ZNF143: variants seen among roughly 807,000 people sequenced by gnomAD.
ZNF143 encodes SPH-binding factor.
A neutral mutation model predicts 74.1 loss-of-function variants in ZNF143; 49 were observed. The observed-to-expected ratio is 0.66, with a 90% CI of 0.53 to 0.84. The LOEUF (loss-of-function observed/expected upper bound fraction) is 0.84. Among genes scored for constraint, ZNF143 ranks in the 40% least tolerant of loss-of-function variants. ZNF143 has a pLI of 0.00. For missense variants in ZNF143, 637 were observed against 793.4 expected (o/e 0.80, Z 2.37); for synonymous variants, 304 against 282.8 (o/e 1.07, Z -0.75).
chr11:9,505,725 A>C (rs538108282), intron 11 of ZNF143, among the ~76,000 whole-genome samples: 1 of 151,826 alleles, frequency 6.6e-6, no homozygotes, highest in Admixed American at 6.6e-5. Flanking sequence ...CTACCAAAAA[A>C]TACAAAAATT....
intron 7 of ZNF143, among the ~76,000 whole-genome samples, chr11:9,482,572 A>G (rs1219189228): frequency 6.6e-6 from 1 of 151,598 alleles, no homozygotes; most frequent in Non-Finnish European, 1.5e-5. Flanking sequence ...ACCCGGCCAA[A>G]AAATCCCATT....
intron 1 of ZNF143, chr11:9,463,930 A>C (rs1590479727): frequency 6.6e-6 from 1 of 152,358 alleles, no homozygotes; most frequent in African/African-American, 2.4e-5. Context: ...ATACATTTTT[A>C]AATAAATGAA....
At chr11:9,514,997 G>T (rs1336432445) in intron 13 of ZNF143, among the ~76,000 whole-genome samples, 1 of 152,016 alleles carries the variant, frequency 6.6e-6, no homozygotes, top group Non-Finnish European at 1.5e-5. Flanking sequence ...GTGTGGTGGT[G>T]CATGCCTGTA....
At chr11:9,493,152 C>A (rs1038600895) in intron 7 of ZNF143, among the ~76,000 whole-genome samples, 2 of 151,078 alleles carry the variant, frequency 1.3e-5, no homozygotes, top group Non-Finnish European at 2.9e-5. Context: ...TCTCTGTAAC[C>A]TCCGCCTCCC....
chr11:9,475,639 C>G (rs1362865818), intron 5 of ZNF143, among the ~76,000 whole-genome samples: 2 of 152,126 alleles, frequency 1.3e-5, no homozygotes, highest in East Asian at 3.8e-4. Flanking sequence ...GCCTGTAATC[C>G]TAGCACTTTG....
intron 1 of ZNF143, among the ~76,000 whole-genome samples, chr11:9,467,786 G>T (rs994271972): frequency 6.7e-6 from 1 of 149,300 alleles, no homozygotes; most frequent in African/African-American, 2.5e-5. Context: ...GGAAGTTACA[G>T]TGAGCTGAGA....
intron 13 of ZNF143, among the ~76,000 whole-genome samples, chr11:9,513,991 C>G (rs1848640894): frequency 1.3e-5 from 2 of 152,072 alleles, no homozygotes; most frequent in South Asian, 2.1e-4. Flanking sequence ...ACTCTGTTGC[C>G]CAGGGCAAAG....
At chr11:9,517,973 TATATACACACACTATATTGA>T (rs1264213604) in intron 14 of ZNF143, among the ~76,000 whole-genome samples, 1 of 152,178 alleles carries the variant, frequency 6.6e-6, no homozygotes, top group African/African-American at 2.4e-5. Flanking sequence ...ATATTCACAC[TATATACACACACTATATTGA>T]ATATAAGTCT....
At chr11:9,486,981 T>C (rs1847581718) in intron 7 of ZNF143, among the ~76,000 whole-genome samples, 1 of 140,910 alleles carries the variant, frequency 7.1e-6, no homozygotes, top group Non-Finnish European at 1.5e-5. Flanking sequence ...TTTTTTTTTT[T>C]TTGAGACGGA....
intron 14 of ZNF143, among the ~76,000 whole-genome samples, chr11:9,523,061 G>A (rs539476042): frequency 1.3e-3 from 205 of 152,240 alleles, no homozygotes; most frequent in African/African-American, 4.3e-3. Flanking sequence ...GAGCCATCAT[G>A]CCTGGCTAAG....
chr11:9,519,091 T>A (rs1453625760), intron 14 of ZNF143, among the ~76,000 whole-genome samples: 1 of 152,214 alleles, frequency 6.6e-6, no homozygotes, highest in African/African-American at 2.4e-5. Flanking sequence ...TGCACCCATA[T>A]AACTAACATC....
At chr11:9,482,163 G>C (rs564183064) in intron 7 of ZNF143, among the ~76,000 whole-genome samples, 1 of 149,414 alleles carries the variant, frequency 6.7e-6, no homozygotes, top group Non-Finnish European at 1.5e-5. Flanking sequence ...GTAGAGGCAG[G>C]GTTTCACCAT....
At chr11:9,523,326 T>C (rs529217481) in intron 14 of ZNF143, among the ~76,000 whole-genome samples, 17 of 152,316 alleles carry the variant, frequency 1.1e-4, no homozygotes, top group African/African-American at 3.4e-4. Context: ...AAATTCCGTC[T>C]CTCTTTGGTG....
rs567942310 is a variant in ZNF143 at position 9,519,131 on chromosome 11, G to A, written c.1686+2769G>A. On this transcript the variant is annotated intron_variant, in intron 14 of 15. Transcript: ENST00000396602. Reference sequence around the variant, plus strand: ...ACAAAATGTAGAACATTTCTATCACGCTAGAAAGTTACCTTGTGATTCCTT... The same window carrying A: ...ACAAAATGTAGAACATTTCTATCACACTAGAAAGTTACCTTGTGATTCCTT... Among the ~76,000 whole-genome samples, 36 of 151,944 alleles carry A rather than the reference G, an allele frequency of 2.4e-4. 1 individual carries two copies. Among genetic ancestry groups the A allele is most frequent in the South Asian group, 1.0e-3 (5 of 4,808 alleles).
At chr11:9,468,818 C>T (rs903489610) in intron 1 of ZNF143, among the ~76,000 whole-genome samples, 1 of 152,032 alleles carries the variant, frequency 6.6e-6, no homozygotes, top group Non-Finnish European at 1.5e-5. Context: ...GCCTGGGTGA[C>T]AGAGTGAGAC....
chr11:9,471,902 TTTTTTC>T (rs1171698880), intron 2 of ZNF143, among the ~76,000 whole-genome samples: 2 of 149,730 alleles, frequency 1.3e-5, no homozygotes, highest in African/African-American at 2.5e-5. Flanking sequence ...AGGGAATTTT[TTTTTTC>T]TTTTTCTTTT....
chr11:9,485,446 C>G (rs1323292865), intron 7 of ZNF143, among the ~76,000 whole-genome samples: 3 of 144,050 alleles, frequency 2.1e-5, no homozygotes, highest in East Asian at 2.1e-4. Flanking sequence ...CTCCCAGATT[C>G]AAGTGATTCT....
At chr11:9,471,819 T>A (rs560876370) in intron 2 of ZNF143, among the ~76,000 whole-genome samples, 27 of 152,216 alleles carry the variant, frequency 1.8e-4, no homozygotes, top group African/African-American at 6.0e-4. Flanking sequence ...CCCAAAGTGC[T>A]GGGATTACAG....
intron 15 of ZNF143, among the ~76,000 whole-genome samples, chr11:9,526,166 G>A (rs1255615878): frequency 6.6e-6 from 1 of 151,678 alleles, no homozygotes; most frequent in Non-Finnish European, 1.5e-5. Flanking sequence ...ACCAGCCCAG[G>A]CAACATGACG....
Sources: gnomAD v4.1 joint callset for allele counts (sites outside exome capture counted in the v4.1 genomes callset) on GRCh38, gnomAD v4.1.1 for gene constraint, MANE v1.5 for transcripts, NCBI Gene and HGNC (gene_info 2026-07-23, HGNC 2026-07-21) for gene names.